The following PAX6 variants were observed in gnomAD, a reference collection of about 807,000 sequenced individuals.
PAX6 encodes paired box 6.
In PAX6, 7 loss-of-function variants were observed where a neutral mutation model predicts 60.7. That is an observed-to-expected ratio of 0.12 (90% CI 0.07 to 0.22). PAX6 has a LOEUF of 0.22. Ranked by LOEUF, PAX6 falls within the 10% of genes least tolerant of loss-of-function variation. PAX6 has a pLI of 1.00. For synonymous variants in PAX6, 208 were observed against 201.2 expected, an observed-to-expected ratio of 1.03 and a Z score of -0.29; for missense variants, 355 against 555.2, an observed-to-expected ratio of 0.64 and a Z score of 3.62.
At chr11:31,795,569 ATAG>A (rs1374014733) in intron 8 of PAX6, among the ~76,000 whole-genome samples, 7 of 152,280 alleles carry the variant, frequency 4.6e-5, no homozygotes, top group African/African-American at 1.4e-4. Flanking sequence ...TAAAAAAGAA[ATAG>A]TAGAGAGTTC....
intron 13 of PAX6, 98 bp from the exon 14 acceptor site, chr11:31,790,117 A>C (rs948731824): frequency 6.4e-6 from 5 of 779,898 alleles, no homozygotes; most frequent in African/African-American, 1.8e-5. Context: ...AAAAAAAAAA[A>C]AAACTAATAC....
chr11:31,790,117 A>AAAAAAAAAAAT, intron 13 of PAX6, 98 bp from the exon 14 acceptor site: 1 of 779,982 alleles, frequency 1.3e-6, no homozygotes, highest in Non-Finnish European at 2.1e-6. Flanking sequence ...AAAAAAAAAA[A>AAAAAAAAAAAT]AAACTAATAC....
At chr11:31,817,927 C>T (rs1022678603) in exon 1 of PAX6, 1 of 152,680 alleles carries the variant, frequency 6.5e-6, no homozygotes, top group African/African-American at 2.4e-5. Context: ...AGGACCTGCC[C>T]CAGAGTTTAA....
intron 3 of PAX6, 84 bp from the exon 4 acceptor site, chr11:31,806,546 G>A: frequency 9.6e-7 from 1 of 1,042,618 alleles, no homozygotes; most frequent in Admixed American, 2.0e-5. Context: ...CCTGGGGCTA[G>A]GACAGGAGAA....
chr11:31,816,614 C>G (rs1243448259), intron 1 of PAX6: 5 of 702,428 alleles, frequency 7.1e-6, no homozygotes, highest in Non-Finnish European at 1.3e-5. Flanking sequence ...GGAGAGGAAC[C>G]CGCGGAGGAG....
upstream of PAX6, chr11:31,814,344 T>G (rs1324332018): frequency 6.6e-6 from 1 of 152,200 alleles, no homozygotes; most frequent in South Asian, 2.1e-4. Flanking sequence ...CCCGCACCGA[T>G]CCCTGGCATT....
chr11:31,800,063 C>G (rs1953117737), intron 8 of PAX6, among the ~76,000 whole-genome samples: 1 of 151,916 alleles, frequency 6.6e-6, no homozygotes, highest in African/African-American at 2.4e-5. Flanking sequence ...ATCCCGCCGT[C>G]CTGCTCACAG....
chr11:31,816,462 G>C (rs1049031236), intron 1 of PAX6: 17 of 684,220 alleles, frequency 2.5e-5, no homozygotes, highest in Non-Finnish European at 4.0e-5. Flanking sequence ...TTTTCTCGCC[G>C]TGACAGCCGA....
intron 8 of PAX6, among the ~76,000 whole-genome samples, chr11:31,796,983 G>T (rs1000286801): frequency 1.3e-5 from 2 of 152,122 alleles, no homozygotes; most frequent in East Asian, 3.9e-4. Flanking sequence ...TTTTCAAAGC[G>T]TTTTTCAAGG....
intron 4 of PAX6, chr11:31,806,128 G>C (rs540068770): frequency 3.3e-5 from 16 of 477,944 alleles, no homozygotes; most frequent in East Asian, 2.1e-4. Context: ...ACAGGATTTG[G>C]GGGGGATGGG....
intron 8 of PAX6, among the ~76,000 whole-genome samples, chr11:31,799,435 C>T (rs1280813776): frequency 1.3e-5 from 2 of 152,188 alleles, no homozygotes; most frequent in African/African-American, 4.8e-5. Context: ...TTAAAACTGA[C>T]ATGTCTAATT....
intron 8 of PAX6, among the ~76,000 whole-genome samples, chr11:31,796,966 C>T (rs1252475504): frequency 2.6e-5 from 4 of 152,036 alleles, no homozygotes; most frequent in Non-Finnish European, 4.4e-5. Flanking sequence ...CCCAAGTTTC[C>T]GGGGACTTTT....
chr11:31,801,305 C>T, intron 7 of PAX6: 1 of 1,418,270 alleles, frequency 7.1e-7, no homozygotes. Context: ...ATTCAAGTGC[C>T]TTTCCCTGGT....
At chr11:31,812,296 C>CTGTGTGTGTG (rs1347167499), upstream of PAX6, 2 of 109,938 alleles carry the variant, frequency 1.8e-5, no homozygotes, top group African/African-American at 8.7e-5. Flanking sequence ...GATTCTCTCT[C>CTGTGTGTGTG]TCTCTCTGTG....
At chr11:31,810,577 C>CGCTGGG (rs1956856103) in intron 2 of PAX6, 1 of 302,938 alleles carries the variant, frequency 3.3e-6, no homozygotes, top group Non-Finnish European at 6.0e-6. Context: ...CTGGCGCTGG[C>CGCTGGG]GCTGGGGCTG....
upstream of PAX6, among the ~76,000 whole-genome samples, chr11:31,813,414 C>G (rs1477432620): frequency 6.7e-6 from 1 of 148,152 alleles, no homozygotes; most frequent in Non-Finnish European, 1.5e-5. Flanking sequence ...TGATTCTGTC[C>G]GAACTGGAGG....
At chr11:31,810,642 C>A (rs541312042) in intron 2 of PAX6, 186 bp downstream of exon 2, 187 of 384,892 alleles carry the variant, frequency 4.9e-4, no homozygotes, top group Admixed American at 2.8e-3. Flanking sequence ...CAGTCGCCCT[C>A]CGACGCGGGC....
chr11:31,790,447 C>T (rs1949532188), intron 13 of PAX6: 3 of 1,344,036 alleles, frequency 2.2e-6, no homozygotes, highest in Non-Finnish European at 2.9e-6. Context: ...AATAATCTGT[C>T]CTCAGAAAAC....
upstream of PAX6, chr11:31,814,612 C>G (rs1957283946): frequency 1.3e-5 from 2 of 152,302 alleles, no homozygotes; most frequent in Admixed American, 1.3e-4. Flanking sequence ...CCAAACGTCT[C>G]TCTTTTTGCA....
Sources: gnomAD v4.1 joint callset for allele counts (sites outside exome capture counted in the v4.1 genomes callset) on GRCh38, gnomAD v4.1.1 for gene constraint, MANE v1.5 for transcripts, NCBI Gene and HGNC (gene_info 2026-07-23, HGNC 2026-07-21) for gene names.